KCNIP1: variants seen among roughly 807,000 people sequenced by gnomAD.
The protein encoded by KCNIP1 is A-type potassium channel modulatory protein KCNIP1.
KCNIP1 carries 18 observed loss-of-function variants against 33.0 expected under a neutral mutation model. The ratio of observed to expected loss-of-function variants is 0.55; its 90% CI spans 0.38 to 0.81. The LOEUF is 0.81. Among genes scored for constraint, KCNIP1 ranks in the 30% least tolerant of loss-of-function variants. KCNIP1 has a pLI of 0.00. For missense variants in KCNIP1, 238 were observed against 271.6 expected, an observed-to-expected ratio of 0.88 and a Z score of 0.87; for synonymous variants, 93 against 98.3, an observed-to-expected ratio of 0.95 and a Z score of 0.32.
At chr5:170,368,095 C>T (rs767222326) in intron 1 of KCNIP1, among the ~76,000 whole-genome samples, 23 of 151,812 alleles carry the variant, frequency 1.5e-4, no homozygotes, top group Non-Finnish European at 2.6e-4. Context: ...CTATTGATAT[C>T]GTATCAAGTA....
intron 1 of KCNIP1, among the ~76,000 whole-genome samples, chr5:170,653,060 C>T (rs924979126): frequency 6.6e-6 from 1 of 152,108 alleles, no homozygotes; most frequent in Non-Finnish European, 1.5e-5. Flanking sequence ...GGGGAAGGAG[C>T]GAGGGTCTAG....
chr5:170,480,233 A>G (rs977247393), intron 1 of KCNIP1, among the ~76,000 whole-genome samples: 1 of 152,224 alleles, frequency 6.6e-6, no homozygotes, highest in Non-Finnish European at 1.5e-5. Flanking sequence ...GGATTAGAGT[A>G]TGAAGTGATA....
chr5:170,544,831 CCTGTACCCACTTCTTTCTTTTTGTG>C (rs1202770728), intron 1 of KCNIP1, among the ~76,000 whole-genome samples: 1 of 152,134 alleles, frequency 6.6e-6, no homozygotes, highest in African/African-American at 2.4e-5. Context: ...CAGTTAAACT[CCTGTACCCACTTCTTTCTTTTTGTG>C]CTGTTGTTAA....
chr5:170,512,774 G>A (rs768595404), intron 1 of KCNIP1, among the ~76,000 whole-genome samples: 1 of 152,208 alleles, frequency 6.6e-6, no homozygotes, highest in Non-Finnish European at 1.5e-5. Flanking sequence ...TCCCGGCCAG[G>A]CGCGGTGGCT....
At chr5:170,361,980 T>G (rs1308346515) in intron 1 of KCNIP1, among the ~76,000 whole-genome samples, 1 of 152,204 alleles carries the variant, frequency 6.6e-6, no homozygotes, top group Non-Finnish European at 1.5e-5. Flanking sequence ...CTTCAGTCTC[T>G]TCATCTCTAA....
intron 1 of KCNIP1, among the ~76,000 whole-genome samples, chr5:170,553,573 G>A (rs1009621315): frequency 2.0e-5 from 3 of 152,216 alleles, no homozygotes; most frequent in Non-Finnish European, 4.4e-5. Context: ...CTCCTCAGCG[G>A]GCTGGAGCAT....
At chr5:170,540,632 A>G (rs1204943241) in intron 1 of KCNIP1, among the ~76,000 whole-genome samples, 1 of 152,206 alleles carries the variant, frequency 6.6e-6, no homozygotes, top group Non-Finnish European at 1.5e-5. Context: ...TCAGTAATGC[A>G]GGATGCACTG....
At chr5:170,712,273 T>C (rs774850621) in intron 1 of KCNIP1, among the ~76,000 whole-genome samples, 5 of 152,258 alleles carry the variant, frequency 3.3e-5, no homozygotes, top group Non-Finnish European at 7.3e-5. Context: ...TGCATCTGGT[T>C]ACTAATCAAG....
intron 1 of KCNIP1, among the ~76,000 whole-genome samples, chr5:170,494,332 C>G (rs1204437126): frequency 6.6e-6 from 1 of 152,232 alleles, no homozygotes; most frequent in Non-Finnish European, 1.5e-5. Flanking sequence ...TCACTTGATA[C>G]AGGCCAGCCC....
chr5:170,444,393 T>G lies in KCNIP1; in HGVS notation c.88+90429T>G, dbSNP rs552175806. Reference sequence around the variant, plus strand: ...CTGTTCTCTCTCTCGTGCCTCCCTATGTCATTTGTCAAGACCCAGAGGATT... The same window carrying G: ...CTGTTCTCTCTCTCGTGCCTCCCTAGGTCATTTGTCAAGACCCAGAGGATT... On this transcript the variant is annotated intron_variant, in intron 1 of 7. Coordinates refer to the KCNIP1 transcript ENST00000377360. 6.4e-4 allele frequency among the ~76,000 whole-genome samples: 98 copies of G among 152,302 alleles called. 2 individuals carry two copies. The South Asian group carries it at 0.02, about 32-fold the overall frequency.
chr5:170,714,526 C>T (rs745800624), intron 1 of KCNIP1, among the ~76,000 whole-genome samples: 5 of 152,148 alleles, frequency 3.3e-5, no homozygotes, highest in Admixed American at 1.3e-4. Flanking sequence ...TGCATAATGA[C>T]GTTTCCATCA....
rs563854404 is a variant in KCNIP1 at position 170,470,533 on chromosome 5, G to A, written c.88+116569G>A. Among the ~76,000 whole-genome samples the A allele has an allele frequency of 1.6e-4, 25 of 152,268 alleles. No homozygotes were observed. The South Asian group carries it at 4.6e-3, about 28-fold the overall frequency. ...GAAAGTGAGGCATTTATTGCAGGGC[G>A]CCAAGCAAGCAGAATTGGGCAGCTC... On this transcript the variant is annotated intron_variant, in intron 1 of 7. Transcript: ENST00000377360.
intron 1 of KCNIP1, among the ~76,000 whole-genome samples, chr5:170,397,891 G>A (rs1754802033): frequency 6.6e-6 from 1 of 152,142 alleles, no homozygotes; most frequent in African/African-American, 2.4e-5. Context: ...CTTGAAGAGG[G>A]GGCTGCCAGG....
rs1363713 is a variant in KCNIP1, at chr5:170,736,090, G to C, written c.*284G>C. On this transcript the variant is annotated 3_prime_UTR_variant, in exon 8 of 8. Transcript: ENST00000328939. ...TCCTCACACTGCTGCCCTATGGAAG[G>C]TCCCTCTGCTTAAGCTTAAACAGTA... is the stretch of plus-strand genomic sequence containing the variant. The C allele has an allele frequency of 9.2e-6, 4 of 433,446 alleles. No homozygotes were observed. Among genetic ancestry groups the C allele is most frequent in the African/African-American group, 7.9e-5 (4 of 50,458 alleles). The allele number at this position is 433,446 out of a possible 1,614,324, so 26.9% of individuals were successfully genotyped here. A position where few individuals can be genotyped will look rare whatever the true frequency, so the allele number is the denominator to read the frequency against.
In KCNIP1 at chr5:170,706,107, C is replaced by A. The variant is rs113393848; in HGVS notation, c.62-12651C>A. Reference sequence around the variant, plus strand: ...CAGTTAATACAAGGATACATTAATACCGAATCCAGCAAAAGCTCACATGGC... The same window carrying A: ...CAGTTAATACAAGGATACATTAATAACGAATCCAGCAAAAGCTCACATGGC... On this transcript the variant is annotated intron_variant, in intron 1 of 7. Transcript: ENST00000328939. Among the ~76,000 whole-genome samples, 536 of 152,232 alleles carry A rather than the reference C, an allele frequency of 3.5e-3. 2 individuals carry two copies. The highest frequency in any genetic ancestry group is 0.012 in the African/African-American group (491 of 41,546).
intron 1 of KCNIP1, among the ~76,000 whole-genome samples, chr5:170,598,945 G>GTGTGTGTGT (rs751735473): frequency 1.3e-5 from 2 of 148,300 alleles, no homozygotes; most frequent in African/African-American, 2.5e-5. Flanking sequence ...GTGTGTGTTT[G>GTGTGTGTGT]GTGGGGTGGG....
At chr5:170,655,977 G>A (rs1174991752) in intron 1 of KCNIP1, among the ~76,000 whole-genome samples, 3 of 152,208 alleles carry the variant, frequency 2.0e-5, no homozygotes, top group African/African-American at 7.2e-5. Flanking sequence ...GTATGAGGTT[G>A]AGGTGGGGGA....
intron 1 of KCNIP1, among the ~76,000 whole-genome samples, chr5:170,516,846 T>G (rs1755142299): frequency 6.6e-6 from 1 of 152,132 alleles, no homozygotes; most frequent in African/African-American, 2.4e-5. Flanking sequence ...TGAGGATTAG[T>G]GAGATAATAT....
At chr5:170,637,166 G>A (rs1212494468) in intron 1 of KCNIP1, among the ~76,000 whole-genome samples, 1 of 152,136 alleles carries the variant, frequency 6.6e-6, no homozygotes, top group South Asian at 2.1e-4. Flanking sequence ...AAGGGGGATG[G>A]TGGATTGTCC....
Sources: allele counts gnomAD v4.1 joint callset (sites outside exome capture counted in the v4.1 genomes callset), GRCh38; gene constraint gnomAD v4.1.1; transcripts MANE v1.5; gene names NCBI Gene and HGNC (gene_info 2026-07-23, HGNC 2026-07-21).